Variants in CRPPA observed in about 807,000 individuals in gnomAD.
The protein encoded by CRPPA is D-ribitol-5-phosphate cytidylyltransferase.
In CRPPA, 43 loss-of-function variants were observed where a neutral mutation model predicts 52.0. The observed-to-expected ratio is 0.83, with a 90% CI of 0.65 to 1.07. The LOEUF is 1.07. CRPPA is among the 50% of genes least tolerant of loss of function. CRPPA has a pLI of 0.00. For missense variants in CRPPA, 629 were observed against 551.7 expected (o/e 1.14, Z -1.40); for synonymous variants, 250 against 203.5 (o/e 1.23, Z -1.94).
At chr7:16,196,663 C>G (rs1277814098) in intron 9 of CRPPA, among the ~76,000 whole-genome samples, 1 of 152,090 alleles carries the variant, frequency 6.6e-6, no homozygotes, top group Non-Finnish European at 1.5e-5. Context: ...GAGAAAGACA[C>G]TCAGGTTTGA....
chr7:16,386,265 TTTC>T (rs1404489509), intron 2 of CRPPA, among the ~76,000 whole-genome samples: 1 of 152,174 alleles, frequency 6.6e-6, no homozygotes. Context: ...AGATGCTCTT[TTTC>T]TTCTTCTCTG....
In CRPPA at chr7:16,090,195, A is replaced by C. The variant is rs1781805722; in HGVS notation, c.*1500T>G. Reference sequence around the variant, plus strand: ...AGGGCAGGCCCAGGAATTTAGATACAAGCCTACATTCAAATAACACATTTC... The same window carrying C: ...AGGGCAGGCCCAGGAATTTAGATACCAGCCTACATTCAAATAACACATTTC... On this transcript the variant is annotated 3_prime_UTR_variant, in exon 10 of 10. Coordinates refer to ENST00000407010, the MANE Select transcript of CRPPA (RefSeq NM_001101426.4). 6.6e-6 allele frequency: 1 copy of C among 152,172 alleles called. No homozygotes were observed. Among genetic ancestry groups the C allele is most frequent in the Non-Finnish European group, 1.5e-5 (1 of 68,044 alleles). 9.4% of individuals were successfully genotyped at this position (152,172 alleles called of 1,614,324 possible).
At chr7:16,217,027 A>G (rs1782344419) in intron 8 of CRPPA, among the ~76,000 whole-genome samples, 1 of 151,634 alleles carries the variant, frequency 6.6e-6, no homozygotes, top group African/African-American at 2.4e-5. Flanking sequence ...ACGTCTGCAG[A>G]CTTAAATGTC....
chr7:16,311,973 A>T (rs1360430519), intron 3 of CRPPA, among the ~76,000 whole-genome samples: 1 of 151,952 alleles, frequency 6.6e-6, no homozygotes, highest in Non-Finnish European at 1.5e-5. Context: ...CATTCCATAG[A>T]TCCATTTATC....
rs192320300 is a variant in CRPPA at position 16,117,205 on chromosome 7, C to T, written c.1252-25406G>A. 1.2e-3 allele frequency among the ~76,000 whole-genome samples: 182 copies of T among 152,256 alleles called. 1 individual carries two copies. The highest frequency in any genetic ancestry group is 4.1e-3 in the African/African-American group (172 of 41,548). On this transcript the variant is annotated intron_variant, in intron 9 of 9. Coordinates refer to ENST00000407010, the MANE Select transcript of CRPPA (RefSeq NM_001101426.4). ...CTTTTGTTGTATCTTCCATGTGAAT[C>T]GGTTGTTTCTCTCTCTTTATTCCCA...
At chr7:16,314,626 T>G (rs1469615198) in intron 3 of CRPPA, among the ~76,000 whole-genome samples, 1 of 152,120 alleles carries the variant, frequency 6.6e-6, no homozygotes, top group East Asian at 1.9e-4. Flanking sequence ...CATTTTTGTT[T>G]GTCTGCTAAA....
intron 1 of CRPPA, among the ~76,000 whole-genome samples, chr7:16,408,673 A>C (rs544077650): frequency 1.3e-5 from 2 of 152,240 alleles, no homozygotes; most frequent in African/African-American, 2.4e-5. Context: ...GCACTTTCTT[A>C]CTCATGAAAC....
In CRPPA at chr7:16,089,442, T is replaced by G; in HGVS notation, c.*2253A>C. On this transcript the variant is annotated 3_prime_UTR_variant, in exon 10 of 10. Coordinates refer to ENST00000407010, the MANE Select transcript of CRPPA (RefSeq NM_001101426.4). ...GTACATACATATATGTGTATATATG[T>G]ACGTGCATACATATATGTGTATATA... 2.9e-6 allele frequency: 1 copy of G among 346,942 alleles called. No individual in the cohort carries two copies. The highest frequency in any genetic ancestry group is 6.4e-6 in the Non-Finnish European group (1 of 155,660). 21.5% of individuals were successfully genotyped at this position (346,942 alleles called of 1,614,324 possible).
Position 16,202,430 on chromosome 7 carries a change from A to T in CRPPA, c.1251+13636T>A, listed in dbSNP as rs374321337. On this transcript the variant is annotated intron_variant, in intron 9 of 9. Transcript: ENST00000407010. Reference sequence around the variant, plus strand: ...TTATACAGCTTATAAGTGTTTGTTCATATTTGCACATTACATACTGGTCAC... The same window carrying T: ...TTATACAGCTTATAAGTGTTTGTTCTTATTTGCACATTACATACTGGTCAC... 4.1e-4 allele frequency among the ~76,000 whole-genome samples: 62 copies of T among 152,294 alleles called. No homozygotes were observed. The South Asian group carries it at 6.2e-3, about 15-fold the overall frequency.
chr7:16,199,014 C>T (rs997683379), intron 9 of CRPPA, among the ~76,000 whole-genome samples: 2 of 152,124 alleles, frequency 1.3e-5, no homozygotes, highest in Non-Finnish European at 1.5e-5. Flanking sequence ...TCTTTGATTA[C>T]CAGCTAACAT....
intron 1 of CRPPA, among the ~76,000 whole-genome samples, chr7:16,416,834 C>G (rs1034563110): frequency 1.3e-5 from 2 of 151,840 alleles, no homozygotes; most frequent in African/African-American, 2.4e-5. Context: ...ACAGTGAGAC[C>G]CTATCTCCAA....
At chr7:16,153,684 T>C (rs375452244) in intron 9 of CRPPA, among the ~76,000 whole-genome samples, 2 of 152,162 alleles carry the variant, frequency 1.3e-5, no homozygotes, top group South Asian at 4.1e-4. Flanking sequence ...ATAAAATGTT[T>C]CACATTAACT....
At chr7:16,169,777 G>A (rs1251163994) in intron 9 of CRPPA, among the ~76,000 whole-genome samples, 2 of 152,256 alleles carry the variant, frequency 1.3e-5, no homozygotes, top group East Asian at 3.9e-4. Flanking sequence ...TGGACAACTG[G>A]CTAAAATGAG....
At chr7:16,317,189 G>A (rs1284540520) in intron 3 of CRPPA, among the ~76,000 whole-genome samples, 1 of 152,104 alleles carries the variant, frequency 6.6e-6, no homozygotes, top group East Asian at 1.9e-4. Flanking sequence ...CCATGGTGTT[G>A]CCATGTAACA....
At chr7:16,380,517 G>T (rs1447770897) in intron 2 of CRPPA, among the ~76,000 whole-genome samples, 1 of 152,130 alleles carries the variant, frequency 6.6e-6, no homozygotes, top group South Asian at 2.1e-4. Flanking sequence ...AATGAGTTAG[G>T]GAGGATTCCC....
chr7:16,096,541 C>G (rs1304892197), intron 9 of CRPPA, among the ~76,000 whole-genome samples: 1 of 152,056 alleles, frequency 6.6e-6, no homozygotes, highest in Non-Finnish European at 1.5e-5. Context: ...GAACACAGTA[C>G]AAGCAATCTT....
intron 9 of CRPPA, among the ~76,000 whole-genome samples, chr7:16,196,073 T>G (rs551208013): frequency 6.6e-6 from 1 of 152,064 alleles, no homozygotes; most frequent in African/African-American, 2.4e-5. Context: ...ATTTTGTACA[T>G]GTATATATGT....
chr7:16,419,134 A>C lies in CRPPA; in HGVS notation c.257+1932T>G, dbSNP rs570887725. ...CCAGAGAAATGGAATAAAGTTAGCA[A>C]CTGGAATCATTTCAAATTTTGAGTT... is the stretch of plus-strand genomic sequence containing the variant. On this transcript the variant is annotated intron_variant, in intron 1 of 9. Coordinates refer to ENST00000407010, the MANE Select transcript of CRPPA (RefSeq NM_001101426.4). Among the ~76,000 whole-genome samples, 3 of 152,352 alleles carry C rather than the reference A, an allele frequency of 2.0e-5. No homozygotes were observed. The East Asian group carries it at 5.8e-4, about 29-fold the overall frequency.
intron 8 of CRPPA, among the ~76,000 whole-genome samples, chr7:16,232,034 G>A (rs768356117): frequency 2.6e-5 from 4 of 152,150 alleles, no homozygotes; most frequent in Non-Finnish European, 5.9e-5. Flanking sequence ...GAGTACCAGA[G>A]AGGAGAGAGC....
Sources: gnomAD v4.1 joint callset for allele counts (sites outside exome capture counted in the v4.1 genomes callset) on GRCh38, gnomAD v4.1.1 for gene constraint, MANE v1.5 for transcripts, NCBI Gene and HGNC (gene_info 2026-07-23, HGNC 2026-07-21) for gene names.